Variants in HPSE observed in about 807,000 individuals in gnomAD.
HPSE encodes the protein heparanase.
A neutral mutation model predicts 65.1 loss-of-function variants in HPSE; 48 were observed. The observed-to-expected ratio is 0.74, with a 90% CI of 0.58 to 0.94. The LOEUF (loss-of-function observed/expected upper bound fraction) is 0.94. Among genes scored for constraint, HPSE ranks in the 40% least tolerant of loss-of-function variants. HPSE has a pLI of 0.00. For missense variants in HPSE, 644 were observed against 637.5 expected (o/e 1.01, Z -0.11); for synonymous variants, 243 against 260.0 (o/e 0.93, Z 0.63).
rs1473604475 is a variant in HPSE, at chr4:83,302,135, G to A, written c.1325+15C>T. On this transcript the variant is annotated intron_variant, in intron 10 of 11. Transcript: ENST00000311412. ...TAAAACTTGATGATTGGTAAAGGGT[G>A]TGTTTCATACTTACTTGTCAGTGTT... 9 of 1,527,548 alleles carry A rather than the reference G, an allele frequency of 5.9e-6. No homozygotes were observed. Among genetic ancestry groups the A allele is most frequent in the Admixed American group, 5.0e-5 (3 of 59,736 alleles). 94.6% of individuals were successfully genotyped at this position (1,527,548 alleles called of 1,614,324 possible).
rs1372857351 is a variant in HPSE, at chr4:83,293,031, A to G, written c.*2313T>C. The G allele has an allele frequency of 1.3e-5, 2 of 152,236 alleles. No individual in the cohort carries two copies. The highest frequency in any genetic ancestry group is 4.8e-5 in the African/African-American group (2 of 41,460). The allele number at this position is 152,236 out of a possible 1,614,324, so 9.4% of individuals were successfully genotyped here. A position where few individuals can be genotyped will look rare whatever the true frequency, so the allele number is the denominator to read the frequency against. ...TAAAATAAAAAATTTTAAAGATACT[A>G]TATCCATAACAGGCATACATTTGAA... On this transcript the variant is annotated 3_prime_UTR_variant, in exon 12 of 12. Coordinates refer to ENST00000311412, the MANE Select transcript of HPSE (RefSeq NM_001098540.3).
intron 1 of HPSE, among the ~76,000 whole-genome samples, chr4:83,328,682 C>T (rs983767858): frequency 3.3e-5 from 5 of 151,750 alleles, no homozygotes; most frequent in East Asian, 1.9e-4. Flanking sequence ...AACAGGCTGC[C>T]GAGGGGAGGG....
intron 1 of HPSE, among the ~76,000 whole-genome samples, chr4:83,332,572 T>G (rs546274616): frequency 6.6e-6 from 1 of 152,206 alleles, no homozygotes; most frequent in Non-Finnish European, 1.5e-5. Flanking sequence ...TATACTCCAG[T>G]CTTTAACAAA....
chr4:83,297,803 T>C (rs974013172), intron 11 of HPSE, among the ~76,000 whole-genome samples: 2 of 152,170 alleles, frequency 1.3e-5, no homozygotes, highest in African/African-American at 4.8e-5. Context: ...AAGGGGGAAA[T>C]GCCATGACCA....
In HPSE at chr4:83,295,418, T is replaced by C. The variant is rs1430855202; in HGVS notation, c.1558A>G (p.Ser520Gly). ...PLMEKPLRPGSSLGLPAFSYS... is the reference protein window; with the variant it reads ...PLMEKPLRPGGSLGLPAFSYS... ...GAGAAAGCTGGCAAGCCCAGTGAAC[T>C]TCCTGGCCGGAGAGGTTTTTCCATT... is the stretch of plus-strand genomic sequence containing the variant. Residue 520 changes from serine to glycine, a missense_variant, in exon 12 of 12, where the codon AGT becomes GGT. By Grantham distance (56) the Ser-to-Gly change is moderately conservative. Transcript: ENST00000311412. 5 of 1,613,662 alleles carry C rather than the reference T, an allele frequency of 3.1e-6. No individual in the cohort carries two copies. The highest frequency in any genetic ancestry group is 4.2e-6 in the Non-Finnish European group (5 of 1,179,676).
At position 83,309,396 on chromosome 4, in the gene HPSE, T is replaced by A; in HGVS notation, c.984+6A>T. The stretch of plus-strand genomic sequence containing the variant: ...TTTACATTAAAAAGTTTAAAAAGAC[T>A]ATTACCTGGAAAACTTTTTGCACAG... On this transcript the variant is annotated splice_donor_region_variant and intron_variant, in intron 7 of 11. Transcript: ENST00000311412. The A allele has an allele frequency of 6.8e-7, 1 of 1,461,130 alleles. No individual in the cohort carries two copies. The highest frequency in any genetic ancestry group is 9.5e-7 in the Non-Finnish European group (1 of 1,055,796). The allele number at this position is 1,461,130 out of a possible 1,614,324, so 90.5% of individuals were successfully genotyped here.
intron 3 of HPSE, among the ~76,000 whole-genome samples, 199 bp from the exon 4 acceptor site, chr4:83,313,486 G>A (rs1189695702): frequency 1.3e-5 from 2 of 152,160 alleles, no homozygotes; most frequent in Non-Finnish European, 2.9e-5. Flanking sequence ...TGCTCCAGCT[G>A]TTGAATGAAA....
chr4:83,308,716 C>T, intron 8 of HPSE, 129 bp downstream of exon 8: 1 of 681,072 alleles, frequency 1.5e-6, no homozygotes, highest in Non-Finnish European at 2.6e-6. Context: ...CAAAATCTGG[C>T]ATGAATTTTG....
intron 3 of HPSE, among the ~76,000 whole-genome samples, chr4:83,316,871 TTTG>T (rs756496544): frequency 6.6e-5 from 10 of 152,198 alleles, no homozygotes; most frequent in African/African-American, 1.7e-4. Context: ...CACCCGTTTT[TTTG>T]TTGTTGTTGT....
At chr4:83,312,208 G>A (rs1326131658) in intron 4 of HPSE, among the ~76,000 whole-genome samples, 2 of 152,164 alleles carry the variant, frequency 1.3e-5, no homozygotes, top group African/African-American at 4.8e-5. Flanking sequence ...GAACTTTGGA[G>A]CTGGGAACGT....
intron 3 of HPSE, among the ~76,000 whole-genome samples, chr4:83,317,192 C>A (rs930210933): frequency 6.6e-6 from 1 of 152,242 alleles, no homozygotes; most frequent in African/African-American, 2.4e-5. Flanking sequence ...AGCCACAGCA[C>A]CCAGCCTGGG....
chr4:83,295,419 T>A lies in HPSE; in HGVS notation c.1557A>T (p.Gly519=). ...AGAAAGCTGGCAAGCCCAGTGAACT[T>A]CCTGGCCGGAGAGGTTTTTCCATTA... The part of the protein sequence containing the change: ...PPLMEKPLRP[G]SSLGLPAFSY... Residue 519 remains glycine, a synonymous_variant, in exon 12 of 12, where the codon GGA becomes GGT. Transcript: ENST00000311412. 1 of 1,613,662 alleles carries A rather than the reference T, an allele frequency of 6.2e-7. No individual in the cohort carries two copies.
intron 11 of HPSE, among the ~76,000 whole-genome samples, chr4:83,300,256 A>C (rs1159622668): frequency 3.3e-5 from 5 of 152,222 alleles, no homozygotes; most frequent in Non-Finnish European, 7.3e-5. Flanking sequence ...ATAAAAATTA[A>C]TGCTGTAAAA....
chr4:83,300,903 C>A, intron 11 of HPSE, 57 bp downstream of exon 11: 1 of 1,168,600 alleles, frequency 8.6e-7, no homozygotes, highest in African/African-American at 1.7e-5. Flanking sequence ...ACTCTCTATT[C>A]TGATAAACAC....
At chr4:83,324,988 A>T (rs1048112501) in intron 1 of HPSE, among the ~76,000 whole-genome samples, 1 of 152,206 alleles carries the variant, frequency 6.6e-6, no homozygotes, top group African/African-American at 2.4e-5. Flanking sequence ...AAAAGAATAT[A>T]TATTTATATA....
intron 11 of HPSE, among the ~76,000 whole-genome samples, chr4:83,299,819 C>T (rs915364157): frequency 2.6e-5 from 4 of 152,106 alleles, no homozygotes; most frequent in Non-Finnish European, 4.4e-5. Flanking sequence ...ATCCTCCCAC[C>T]TCAGCTTCCC....
chr4:83,317,413 G>A (rs902393437), intron 3 of HPSE, among the ~76,000 whole-genome samples: 2 of 152,202 alleles, frequency 1.3e-5, no homozygotes, highest in Non-Finnish European at 2.9e-5. Flanking sequence ...AAACACAGAA[G>A]ATTTCTGTTT....
At chr4:83,328,540 T>C (rs1339437021) in intron 1 of HPSE, among the ~76,000 whole-genome samples, 1 of 152,168 alleles carries the variant, frequency 6.6e-6, no homozygotes, top group African/African-American at 2.4e-5. Context: ...GTAACCTCAT[T>C]CAACCCATAA....
At position 83,302,196 on chromosome 4, in the gene HPSE, T is replaced by C; in HGVS notation, c.1279A>G (p.Lys427Glu). The C allele has an allele frequency of 1.2e-6, 2 of 1,614,016 alleles. No individual in the cohort carries two copies. The highest frequency in any genetic ancestry group is 1.7e-6 in the Non-Finnish European group (2 of 1,179,910). ...KVLMASVQGS[K>E]RRKLRVYLHC... ...AGGTATACTCGAAGCTTCCTTCTCT[T>C]TGAACCTTGCACGCTTGCCATTAAC... The change falls in exon 10 of 12, where the codon AAG becomes GAG. Residue 427 changes from lysine to glutamate, a missense_variant. Coordinates refer to ENST00000311412, the MANE Select transcript of HPSE (RefSeq NM_001098540.3).
Sources: allele counts gnomAD v4.1 joint callset (sites outside exome capture counted in the v4.1 genomes callset), GRCh38; gene constraint gnomAD v4.1.1; transcripts MANE v1.5; gene names NCBI Gene and HGNC (gene_info 2026-07-23, HGNC 2026-07-21).